The following ZSCAN1 variants were observed in gnomAD, a reference collection of about 807,000 sequenced individuals.
ZSCAN1 encodes the protein zinc finger and SCAN domain containing 1.
A neutral mutation model predicts 23.8 loss-of-function variants in ZSCAN1; 23 were observed. The observed-to-expected ratio is 0.97, with a 90% CI of 0.70 to 1.37. The LOEUF (loss-of-function observed/expected upper bound fraction) is 1.37, where lower values mean the gene tolerates loss of function less well. Among genes scored for constraint, ZSCAN1 ranks in the 40% most tolerant of loss-of-function variants. ZSCAN1 has a pLI of 0.00. For missense variants in ZSCAN1, 575 were observed against 554.0 expected (o/e 1.04, Z -0.38); for synonymous variants, 236 against 232.3 (o/e 1.02, Z -0.15).
intron 4 of ZSCAN1, chr19:58,046,023 G>A: frequency 1.4e-6 from 1 of 697,770 alleles, no homozygotes; most frequent in Non-Finnish European, 2.6e-6. Context: ...AGCTGCAGAA[G>A]CATTCGGAGG....
chr19:58,039,585 G>A (rs1041774751), intron 3 of ZSCAN1, among the ~76,000 whole-genome samples: 5 of 152,056 alleles, frequency 3.3e-5, no homozygotes, highest in African/African-American at 1.2e-4. Flanking sequence ...TGGCCAACAT[G>A]GTGAAACTCC....
In ZSCAN1 at chr19:58,037,763, G is replaced by T; in HGVS notation, c.-74G>T. On this transcript the variant is annotated 5_prime_UTR_variant, in exon 3 of 6. Coordinates refer to ENST00000282326, the MANE Select transcript of ZSCAN1 (RefSeq NM_182572.4). ...GCTGATTCTGTCCGCCTGCCACACC[G>T]GCTCTGTCCGGAGCCACTGGGACTC... The T allele has an allele frequency of 1.4e-6, 2 of 1,425,500 alleles. No individual in the cohort carries two copies. Among genetic ancestry groups the T allele is most frequent in the East Asian group, 5.1e-5 (2 of 39,320 alleles). The allele number at this position is 1,425,500 out of a possible 1,614,324, so 88.3% of individuals were successfully genotyped here.
At chr19:58,052,392 C>G in intron 4 of ZSCAN1, 98 bp from the exon 5 acceptor site, 3 of 1,581,550 alleles carry the variant, frequency 1.9e-6, no homozygotes, top group Non-Finnish European at 2.6e-6. Context: ...TGGGACAGAG[C>G]CTTTGGGGAT....
At position 58,045,695 on chromosome 19, in the gene ZSCAN1, C is replaced by T. The variant is rs1162661931; in HGVS notation, c.465+5151C>T. On this transcript the variant is annotated intron_variant, in intron 4 of 5. Coordinates refer to ENST00000282326, the MANE Select transcript of ZSCAN1 (RefSeq NM_182572.4). The surrounding 1 kb of genome is among the most constrained non-coding windows in gnomAD (Gnocchi z 4.3). ...AGCCTGAACGTCAAGGAGCTGCAGG[C>T]GGCATGTCGGGCACGAGGCATGCGG... 7 of 942,762 alleles carry T rather than the reference C, an allele frequency of 7.4e-6. No homozygotes were observed. Among genetic ancestry groups the T allele is most frequent in the African/African-American group, 1.6e-5 (1 of 62,114 alleles). 58.4% of individuals were successfully genotyped at this position (942,762 alleles called of 1,614,324 possible). A position where few individuals can be genotyped will look rare whatever the true frequency, so the allele number is the denominator to read the frequency against.
At chr19:58,055,975 C>T (rs888458143), downstream of ZSCAN1, among the ~76,000 whole-genome samples, 3 of 152,198 alleles carry the variant, frequency 2.0e-5, no homozygotes, top group Admixed American at 2.0e-4. Flanking sequence ...CTGGGGTTCC[C>T]ACTCCCCTCA....
chr19:58,038,019 G>C lies in ZSCAN1; in HGVS notation c.183G>C (p.Thr61=). The change falls in exon 3 of 6, where the codon ACG becomes ACC. Residue 61 remains threonine (T), a synonymous_variant. Transcript: ENST00000282326. ...GPHLALGQLW[T]LCRQWLRPEA... is the part of the protein sequence containing the mutation. Reference sequence around the variant, plus strand: ...ACCTCGCGCTGGGCCAGCTCTGGACGCTGTGCCGCCAGTGGCTGAGGCCCG... The same window carrying C: ...ACCTCGCGCTGGGCCAGCTCTGGACCCTGTGCCGCCAGTGGCTGAGGCCCG... 1 of 1,611,052 alleles carries C rather than the reference G, an allele frequency of 6.2e-7. No homozygotes were observed. The highest frequency in any genetic ancestry group is 1.1e-5 in the South Asian group (1 of 91,006).
chr19:58,052,454 G>A, intron 4 of ZSCAN1, 36 bp from the exon 5 acceptor site: 1 of 1,613,174 alleles, frequency 6.2e-7, no homozygotes, highest in Non-Finnish European at 8.5e-7. Context: ...GCTCCTGAGG[G>A]GCAGCTGCCG....
At chr19:58,035,111 C>G (rs1465658783) in intron 1 of ZSCAN1, among the ~76,000 whole-genome samples, 2 of 152,074 alleles carry the variant, frequency 1.3e-5, no homozygotes. Flanking sequence ...CTCACACACA[C>G]ACATCCCCAA....
At chr19:58,046,465 C>G (rs1279876161) in intron 4 of ZSCAN1, 4 of 844,722 alleles carry the variant, frequency 4.7e-6, no homozygotes, top group Non-Finnish European at 8.4e-6. Flanking sequence ...GGCCAGCAAG[C>G]TGGCCCCGGC....
At position 58,053,532 on chromosome 19, in the gene ZSCAN1, G is replaced by A. The variant is rs764422436; in HGVS notation, c.708G>A (p.Ser236=). 3.7e-6 allele frequency: 6 copies of A among 1,613,990 alleles called. No individual in the cohort carries two copies. Among genetic ancestry groups the A allele is most frequent in the South Asian group, 1.1e-5 (1 of 91,076 alleles). The stretch of plus-strand genomic sequence containing the variant: ...TGCGGGCAGAAGGGACTGTGATCTC[G>A]AGCCCCAAGGGTCCAAGTGCTCAGA... ...SDLRAEGTVI[S]SPKGPSAQRI... The change falls in exon 6 of 6, where the codon TCG becomes TCA. Residue 236 remains serine (S), a synonymous_variant. Transcript: ENST00000282326. This position sits in a 1 kb window ranked among gnomAD's most constrained non-coding sequence, Gnocchi z 5.8.
At chr19:58,039,728 G>A (rs949092765) in intron 3 of ZSCAN1, among the ~76,000 whole-genome samples, 10 of 138,158 alleles carry the variant, frequency 7.2e-5, no homozygotes, top group Non-Finnish European at 1.1e-4. Context: ...CCAAGATCAC[G>A]CCACTGCACT....
At chr19:58,044,569 G>C in intron 4 of ZSCAN1, 1 of 678,262 alleles carries the variant, frequency 1.5e-6, no homozygotes, top group Non-Finnish European at 2.4e-6. Flanking sequence ...AGGCCCGAGC[G>C]GCCGCCACGC....
chr19:58,046,133 C>A lies in ZSCAN1; in HGVS notation c.465+5589C>A, dbSNP rs940511104. ...CCTGACACTGTCCTGCAGTCAGAGACCATGAAGGACACTGCCCCCGTGCTA... is the reference window on the plus strand; with the variant it reads ...CCTGACACTGTCCTGCAGTCAGAGAACATGAAGGACACTGCCCCCGTGCTA... On this transcript the variant is annotated intron_variant, in intron 4 of 5. Coordinates refer to ENST00000282326, the MANE Select transcript of ZSCAN1 (RefSeq NM_182572.4). 8.5e-6 allele frequency: 6 copies of A among 709,712 alleles called. No homozygotes were observed. The African/African-American group carries it at 1.1e-4, about 12-fold the overall frequency. 44.0% of individuals were successfully genotyped at this position (709,712 alleles called of 1,614,324 possible).
chr19:58,040,675 C>G lies in ZSCAN1; in HGVS notation c.465+131C>G, dbSNP rs116287017. On this transcript the variant is annotated intron_variant, in intron 4 of 5. Transcript: ENST00000282326. The surrounding 1 kb of genome is among the most constrained non-coding windows in gnomAD (Gnocchi z 5.8). ...CCAGCGCTCCCAGGAAGCCCGGCCT[C>G]CAAACTCCCCGCCTGCCCCACAGAT... The G allele has an allele frequency of 7.5e-3, 6,153 of 824,828 alleles. 247 individuals carry two copies. In the African/African-American group the frequency reaches 0.088, roughly 12 times the overall value. The allele number at this position is 824,828 out of a possible 1,614,324, so 51.1% of individuals were successfully genotyped here. A position where few individuals can be genotyped will look rare whatever the true frequency, so the allele number is the denominator to read the frequency against.
In ZSCAN1 at chr19:58,045,070, G is replaced by T; in HGVS notation, c.465+4526G>T. 1.7e-6 allele frequency: 2 copies of T among 1,149,406 alleles called. No homozygotes were observed. Among genetic ancestry groups the T allele is most frequent in the East Asian group, 2.4e-5 (1 of 42,418 alleles). 71.2% of individuals were successfully genotyped at this position (1,149,406 alleles called of 1,614,324 possible). On this transcript the variant is annotated intron_variant, in intron 4 of 5. Coordinates refer to ENST00000282326, the MANE Select transcript of ZSCAN1 (RefSeq NM_182572.4). The surrounding 1 kb of genome is among the most constrained non-coding windows in gnomAD (Gnocchi z 4.3). ...GCAGAGAGGGTGCTGGGCGAGCTGAGGCACTACTACCATGGCTTCCGCCTG... is the reference window on the plus strand; with the variant it reads ...GCAGAGAGGGTGCTGGGCGAGCTGATGCACTACTACCATGGCTTCCGCCTG...
chr19:58,038,485 G>C (rs976617933), intron 3 of ZSCAN1: 2 of 579,506 alleles, frequency 3.5e-6, no homozygotes, highest in Admixed American at 3.3e-5. Context: ...TGCTCCTCAC[G>C]GCTGCTCTCT....
chr19:58,034,224 G>C (rs1190198344), intron 1 of ZSCAN1, 63 bp downstream of exon 1: 1 of 151,234 alleles, frequency 6.6e-6, no homozygotes, highest in Non-Finnish European at 1.5e-5. Context: ...ACGCCCACCC[G>C]GGAGGGTCTC....
chr19:58,034,398 G>A (rs2073717787), intron 1 of ZSCAN1, among the ~76,000 whole-genome samples: 1 of 151,604 alleles, frequency 6.6e-6, no homozygotes, highest in Non-Finnish European at 1.5e-5. Context: ...GAGGCCACGC[G>A]GGGCGGGGAC....
At chr19:58,046,536 G>A in intron 4 of ZSCAN1, 1 of 911,580 alleles carries the variant, frequency 1.1e-6, no homozygotes, top group Non-Finnish European at 1.9e-6. Flanking sequence ...ACGCCATGAA[G>A]CAAGTCAAGC....
Sources: gnomAD v4.1 joint callset for allele counts (sites outside exome capture counted in the v4.1 genomes callset) on GRCh38, gnomAD v4.1.1 for gene constraint, Gnocchi (gnomAD v3.1) non-coding constraint, MANE v1.5 for transcripts, NCBI Gene and HGNC (gene_info 2026-07-23, HGNC 2026-07-21) for gene names.